Variants in ACTN4 observed in about 807,000 individuals in gnomAD.
The protein encoded by ACTN4 is actinin alpha 4.
A neutral mutation model predicts 114.2 loss-of-function variants in ACTN4; 18 were observed. That is an observed-to-expected ratio of 0.16 (90% CI 0.11 to 0.23). The LOEUF (loss-of-function observed/expected upper bound fraction) is 0.23, where lower values mean the gene tolerates loss of function less well. Ranked by LOEUF, ACTN4 falls within the 10% of genes least tolerant of loss-of-function variation. The probability of loss-of-function intolerance (pLI) is 1.00; values close to 1 mark genes in which losing one functional copy is unlikely to be tolerated. For missense variants in ACTN4, 722 were observed against 1,262.9 expected (o/e 0.57, Z 6.49); for synonymous variants, 515 against 506.3 (o/e 1.02, Z -0.23).
intron 9 of ACTN4, 147 bp from the exon 10 acceptor site, chr19:38,716,939 G>T: frequency 1.1e-6 from 1 of 872,240 alleles, no homozygotes; most frequent in Non-Finnish European, 1.8e-6. Flanking sequence ...AGCAGGAATC[G>T]TGGAGAAGTT....
intron 1 of ACTN4, among the ~76,000 whole-genome samples, chr19:38,699,746 C>T (rs80208498): frequency 6.7e-6 from 1 of 148,372 alleles, no homozygotes; most frequent in South Asian, 2.2e-4. Flanking sequence ...CAGAGCGAGA[C>T]TCCTTCTCAA....
intron 13 of ACTN4, 71 bp from the exon 14 acceptor site, chr19:38,723,866 T>TC: frequency 1.3e-6 from 2 of 1,548,918 alleles, no homozygotes; most frequent in Non-Finnish European, 8.8e-7. Context: ...TCTGGACCCC[T>TC]CCCCACCCCT....
At chr19:38,722,217 C>T (rs1052016510) in intron 12 of ACTN4, among the ~76,000 whole-genome samples, 7 of 152,158 alleles carry the variant, frequency 4.6e-5, no homozygotes, top group Non-Finnish European at 1.0e-4. Flanking sequence ...CGCTGAGGGT[C>T]GCGCTGGTGA....
At chr19:38,696,169 G>A (rs187170926) in intron 1 of ACTN4, among the ~76,000 whole-genome samples, 1 of 152,288 alleles carries the variant, frequency 6.6e-6, no homozygotes, top group Admixed American at 6.5e-5. Context: ...CTTTTCCTAA[G>A]GGCGTTATTT....
chr19:38,716,047 G>A (rs551587738), intron 9 of ACTN4, among the ~76,000 whole-genome samples: 31 of 152,164 alleles, frequency 2.0e-4, no homozygotes, highest in Non-Finnish European at 4.1e-4. Context: ...GATTACAGGC[G>A]CGCACCACCA....
chr19:38,711,923 T>C (rs1269769987), intron 8 of ACTN4, among the ~76,000 whole-genome samples: 1 of 152,198 alleles, frequency 6.6e-6, no homozygotes, highest in East Asian at 1.9e-4. Flanking sequence ...TCATGCTGCC[T>C]CACAGCTCCT....
chr19:38,648,058 C>A, intron 1 of ACTN4, 151 bp downstream of exon 1: 2 of 920,692 alleles, frequency 2.2e-6, no homozygotes, highest in Non-Finnish European at 3.0e-6. Context: ...GAATTGGAGT[C>A]CTGAGGAGGA....
intron 1 of ACTN4, among the ~76,000 whole-genome samples, chr19:38,690,099 G>A (rs1180561432): frequency 2.6e-5 from 4 of 152,230 alleles, no homozygotes; most frequent in Non-Finnish European, 5.9e-5. Context: ...CACAGGAGGA[G>A]GGACAATGAT....
At chr19:38,690,446 A>G (rs1967888292) in intron 1 of ACTN4, among the ~76,000 whole-genome samples, 1 of 152,152 alleles carries the variant, frequency 6.6e-6, no homozygotes, top group Non-Finnish European at 1.5e-5. Flanking sequence ...CGAGCTAAAC[A>G]CTAGTCGCTG....
intron 1 of ACTN4, among the ~76,000 whole-genome samples, chr19:38,700,257 T>C: frequency 6.6e-6 from 1 of 152,066 alleles, no homozygotes; most frequent in East Asian, 1.9e-4. Context: ...TTTTGTCTGG[T>C]GTGCGTACTG....
chr19:38,649,148 C>T (rs1434474158), intron 1 of ACTN4, among the ~76,000 whole-genome samples: 2 of 109,854 alleles, frequency 1.8e-5, no homozygotes, highest in Non-Finnish European at 3.4e-5. Context: ...GATCCTGAAG[C>T]AGAGACTGTG....
In ACTN4 at chr19:38,727,553, C is replaced by T. The variant is rs966576611; in HGVS notation, c.2338-393C>T. Among the ~76,000 whole-genome samples the T allele has an allele frequency of 2.6e-5, 4 of 152,054 alleles. No homozygotes were observed. The highest frequency in any genetic ancestry group is 9.7e-5 in the African/African-American group (4 of 41,390). On this transcript the variant is annotated intron_variant, in intron 18 of 20. Transcript: ENST00000252699. The surrounding 1 kb of genome is among the most constrained non-coding windows in gnomAD (Gnocchi z 5.4). The stretch of plus-strand genomic sequence containing the variant: ...TGACGGACTGAGAAGTGTGCAGCCT[C>T]AGCTCTGCACCTGGCGCCCCCAGGA...
intron 1 of ACTN4, among the ~76,000 whole-genome samples, chr19:38,679,562 GGTGTGC>G: frequency 1.0e-5 from 1 of 96,402 alleles, no homozygotes; most frequent in African/African-American, 3.3e-5. Flanking sequence ...AATAGATTTG[GGTGTGC>G]GTGTGTGTGT....
At chr19:38,720,370 G>A (rs187489755) in intron 11 of ACTN4, among the ~76,000 whole-genome samples, 2 of 152,342 alleles carry the variant, frequency 1.3e-5, no homozygotes, top group East Asian at 1.9e-4. Flanking sequence ...AGGACTCTGC[G>A]GAGGCAGAGG....
chr19:38,727,041 G>T lies in ACTN4; in HGVS notation c.2275G>T (p.Ala759Ser), dbSNP rs774937453. 6.2e-7 allele frequency: 1 copy of T among 1,614,028 alleles called. No individual in the cohort carries two copies. Among genetic ancestry groups the T allele is most frequent in the Non-Finnish European group, 8.5e-7 (1 of 1,180,040 alleles). The part of the protein sequence containing the change: ...EVENQILTRD[A>S]KGISQEQMQE... ...GGAGAACCAGATCCTCACCCGCGAC[G>T]CCAAGGGCATCAGCCAGGAGCAGAT... Residue 759 changes from alanine to serine, a missense_variant, in exon 18 of 21, where the codon GCC becomes TCC. By Grantham distance (99) the Ala-to-Ser change is moderately conservative. This residue lies in a region of ACTN4 where 523 missense variants were observed against 875.9 expected (regional missense o/e 0.60). Transcript: ENST00000252699. The surrounding 1 kb of genome is among the most constrained non-coding windows in gnomAD (Gnocchi z 5.4).
chr19:38,673,603 ATATTC>A (rs1568690100), intron 1 of ACTN4, among the ~76,000 whole-genome samples: 7 of 96,568 alleles, frequency 7.2e-5, no homozygotes, highest in South Asian at 5.9e-4. Flanking sequence ...ATATTCATAT[ATATTC>A]ATTTATATTT....
chr19:38,729,329 A>T lies in ACTN4; in HGVS notation c.2633A>T (p.Tyr878Phe). 6.2e-7 allele frequency: 1 copy of T among 1,612,858 alleles called. No individual in the cohort carries two copies. Among genetic ancestry groups the T allele is most frequent in the Non-Finnish European group, 8.5e-7 (1 of 1,179,968 alleles). The change falls in exon 21 of 21, where the codon TAC becomes TTC. Residue 878 changes from tyrosine to phenylalanine, a missense_variant. Physicochemically the swap from Tyr to Phe is conservative, Grantham distance 22 (BLOSUM62 3). This residue lies in a region of ACTN4 where 523 missense variants were observed against 875.9 expected (regional missense o/e 0.60). Transcript: ENST00000252699. ...RRELPPDQAE[Y>F]CIARMAPYQG... ...GAGCTGCCCCCCGACCAGGCCGAGTACTGCATCGCCCGCATGGCGCCATAC... is the reference window on the plus strand; with the variant it reads ...GAGCTGCCCCCCGACCAGGCCGAGTTCTGCATCGCCCGCATGGCGCCATAC...
Position 38,727,133 on chromosome 19 carries a change from C to T in ACTN4, c.2337+30C>T. 1 of 1,613,038 alleles carries T rather than the reference C, an allele frequency of 6.2e-7. No individual in the cohort carries two copies. Among genetic ancestry groups the T allele is most frequent in the Non-Finnish European group, 8.5e-7 (1 of 1,179,890 alleles). ...GCAGCCTGCCACCTCCTCGGCCTCT[C>T]CCCTCCCGCCGTTGCCGTACCAGCC... On this transcript the variant is annotated intron_variant, in intron 18 of 20. Transcript: ENST00000252699. The surrounding 1 kb of genome is among the most constrained non-coding windows in gnomAD (Gnocchi z 5.4).
intron 11 of ACTN4, among the ~76,000 whole-genome samples, chr19:38,720,108 C>T (rs1389203354): frequency 2.6e-5 from 4 of 152,224 alleles, no homozygotes; most frequent in Non-Finnish European, 2.9e-5. Flanking sequence ...AGGCCCTCCA[C>T]ACCCCAGGGT....
Sources: allele counts gnomAD v4.1 joint callset (sites outside exome capture counted in the v4.1 genomes callset), GRCh38; gene constraint gnomAD v4.1.1; regional missense constraint gnomAD v4.1.1; non-coding constraint Gnocchi (gnomAD v3.1); transcripts MANE v1.5; gene names NCBI Gene and HGNC (gene_info 2026-07-23, HGNC 2026-07-21).